The following RNF217 variants were observed in gnomAD, a reference collection of about 807,000 sequenced individuals.
RNF217 encodes the protein E3 ubiquitin-protein ligase RNF217.
Under a neutral mutation model 57.8 loss-of-function variants are expected in RNF217, and 31 were observed. That is an observed-to-expected ratio of 0.54 (90% CI 0.40 to 0.72). RNF217 has a LOEUF of 0.72. Ranked by LOEUF, RNF217 falls within the 30% of genes least tolerant of loss-of-function variation. The pLI is 0.00. For synonymous variants in RNF217, 313 were observed against 294.0 expected (o/e 1.06, Z -0.66); for missense variants, 696 against 708.3 (o/e 0.98, Z 0.20).
chr6:125,036,068 C>A (rs960143539), intron 1 of RNF217, among the ~76,000 whole-genome samples: 58 of 151,950 alleles, frequency 3.8e-4, no homozygotes, highest in African/African-American at 1.3e-3. Context: ...TAATGCTATC[C>A]CTCCCCTTGC....
chr6:125,079,520 T>A (rs1788499985), intron 4 of RNF217, among the ~76,000 whole-genome samples: 1 of 151,960 alleles, frequency 6.6e-6, no homozygotes, highest in South Asian at 2.1e-4. Flanking sequence ...ATATTCAGTG[T>A]TACTAGCTGT....
intron 1 of RNF217, among the ~76,000 whole-genome samples, chr6:124,975,473 T>TGCAG (rs1173624013): frequency 6.6e-6 from 1 of 152,204 alleles, no homozygotes; most frequent in African/African-American, 2.4e-5. Flanking sequence ...CTCTGTTGCC[T>TGCAG]GGGCAGGAGT....
intron 1 of RNF217, among the ~76,000 whole-genome samples, chr6:125,021,501 G>A (rs964781147): frequency 2.0e-5 from 3 of 151,834 alleles, no homozygotes; most frequent in Non-Finnish European, 4.4e-5. Flanking sequence ...TCCTGACCTC[G>A]TGATCTACCC....
chr6:124,976,249 C>T (rs1381874944), intron 1 of RNF217, among the ~76,000 whole-genome samples: 1 of 148,102 alleles, frequency 6.8e-6, no homozygotes, highest in East Asian at 2.1e-4. Context: ...TTCCCTCCCT[C>T]ACTCCCTCCC....
At chr6:124,966,306 C>T (rs769901639) in intron 1 of RNF217, among the ~76,000 whole-genome samples, 69 of 152,100 alleles carry the variant, frequency 4.5e-4, no homozygotes, top group Admixed American at 2.2e-3. Flanking sequence ...CCTTAATTTC[C>T]TCATCAATGA....
intron 1 of RNF217, 49 bp downstream of exon 1, chr6:124,963,475 G>A (rs1042923148): frequency 1.4e-6 from 2 of 1,431,972 alleles, no homozygotes; most frequent in East Asian, 2.5e-5. Flanking sequence ...AATCACTGGC[G>A]AGGAGGTCCT....
intron 1 of RNF217, among the ~76,000 whole-genome samples, chr6:125,030,763 ACGGTGC>A (rs1410244077): frequency 2.0e-5 from 3 of 151,970 alleles, no homozygotes; most frequent in Non-Finnish European, 4.4e-5. Flanking sequence ...TTCCAGGCAC[ACGGTGC>A]AAGCTGTCGG....
chr6:125,036,806 A>G (rs1786642614), intron 1 of RNF217, among the ~76,000 whole-genome samples: 1 of 151,684 alleles, frequency 6.6e-6, no homozygotes, highest in Non-Finnish European at 1.5e-5. Context: ...TCAAAACCAC[A>G]ATGAGATACC....
intron 1 of RNF217, among the ~76,000 whole-genome samples, chr6:125,034,993 CTGTT>C (rs1458095228): frequency 1.3e-5 from 2 of 151,938 alleles, no homozygotes; most frequent in African/African-American, 2.4e-5. Flanking sequence ...ATTTGGCTCT[CTGTT>C]TGTCTGTTAT....
In RNF217 at chr6:124,982,608, G is replaced by A. The variant is rs143589582; in HGVS notation, c.882+19182G>A. Among the ~76,000 whole-genome samples, 11 of 151,642 alleles carry A rather than the reference G, an allele frequency of 7.3e-5. No individual in the cohort carries two copies. In the East Asian group the frequency reaches 1.2e-3, roughly 16 times the overall value. ...TACATAATAACTTATAATCATTGCC[G>A]TTTTATAGATCATTTATTAATAATA... On this transcript the variant is annotated intron_variant, in intron 1 of 5. Coordinates refer to ENST00000521654, the MANE Select transcript of RNF217 (RefSeq NM_001286398.3).
intron 1 of RNF217, among the ~76,000 whole-genome samples, chr6:125,026,336 C>T (rs1424489329): frequency 6.6e-6 from 1 of 152,092 alleles, no homozygotes; most frequent in African/African-American, 2.4e-5. Context: ...TAATTCTGTA[C>T]TTGGGATCCT....
At chr6:125,012,835 T>A (rs551768833) in intron 1 of RNF217, among the ~76,000 whole-genome samples, 14 of 152,186 alleles carry the variant, frequency 9.2e-5, no homozygotes, top group Non-Finnish European at 1.0e-4. Context: ...TTTATATGCT[T>A]ATGTTTTGAT....
Position 124,963,557 on chromosome 6 carries a change from T to C in RNF217, c.882+131T>C, listed in dbSNP as rs187376089. On this transcript the variant is annotated intron_variant, in intron 1 of 5. Transcript: ENST00000521654. ...CTTACTGAGGATCTCTGTTAGTTTC[T>C]CACGTCTCAGTTGTTATTTAAGTGT... The C allele has an allele frequency of 2.6e-5, 29 of 1,129,952 alleles. 2 individuals are homozygous for C. The South Asian group carries it at 3.5e-4, about 14-fold the overall frequency. 70.0% of individuals were successfully genotyped at this position (1,129,952 alleles called of 1,614,324 possible).
intron 1 of RNF217, among the ~76,000 whole-genome samples, chr6:125,032,312 T>A (rs1408491389): frequency 6.6e-6 from 1 of 152,178 alleles, no homozygotes; most frequent in Non-Finnish European, 1.5e-5. Context: ...GAAACAAACT[T>A]AAAATTCCTA....
rs764354039 is a variant in RNF217, at chr6:124,962,947, C to T, written c.403C>T (p.Pro135Ser). The change falls in exon 1 of 6, where the codon CCC (proline) becomes TCC (serine). Residue 135 changes from proline (P) to serine (S), a missense_variant. Coordinates refer to ENST00000521654, the MANE Select transcript of RNF217 (RefSeq NM_001286398.3). The surrounding 1 kb of genome is among the most constrained non-coding windows in gnomAD (Gnocchi z 4.6). ...GGCGCCCCCCGGCGAAGAGCTGGAGCCCAGGACCCGCGTGGGGGCCGCCGA... is the reference window on the plus strand; with the variant it reads ...GGCGCCCCCCGGCGAAGAGCTGGAGTCCAGGACCCGCGTGGGGGCCGCCGA... ...QEAPPGEELE[P>S]RTRVGAADGL... 1.3e-6 allele frequency: 2 copies of T among 1,597,558 alleles called. No individual in the cohort carries two copies. The highest frequency in any genetic ancestry group is 2.7e-5 in the African/African-American group (2 of 74,906).
At chr6:125,063,724 A>G (rs890459208) in intron 3 of RNF217, among the ~76,000 whole-genome samples, 12 of 152,252 alleles carry the variant, frequency 7.9e-5, no homozygotes, top group Admixed American at 2.6e-4. Flanking sequence ...TGTTGTCTCA[A>G]TTCTCAAAAG....
At chr6:125,045,150 A>C (rs1787044965) in intron 1 of RNF217, 61 bp from the exon 2 acceptor site, 13 of 1,136,996 alleles carry the variant, frequency 1.1e-5, no homozygotes, top group South Asian at 4.3e-5. Context: ...ATACAAAAAA[A>C]AAAATGAAAG....
At chr6:125,055,032 C>T (rs1029833629) in intron 2 of RNF217, among the ~76,000 whole-genome samples, 1 of 152,054 alleles carries the variant, frequency 6.6e-6, no homozygotes, top group African/African-American at 2.4e-5. Flanking sequence ...GTGTTGATGT[C>T]TGTATGTGTT....
At chr6:125,065,211 A>T (rs907841552) in intron 3 of RNF217, among the ~76,000 whole-genome samples, 1 of 151,208 alleles carries the variant, frequency 6.6e-6, no homozygotes, top group Non-Finnish European at 1.5e-5. Flanking sequence ...GAATGGCTTG[A>T]ACCCAGGAGG....
Sources: allele counts gnomAD v4.1 joint callset (sites outside exome capture counted in the v4.1 genomes callset), GRCh38; gene constraint gnomAD v4.1.1; non-coding constraint Gnocchi (gnomAD v3.1); transcripts MANE v1.5; gene names NCBI Gene and HGNC (gene_info 2026-07-23, HGNC 2026-07-21).